Variants in JADE1 observed in about 807,000 individuals in gnomAD.
JADE1 encodes jade family PHD finger 1.
In JADE1, 14 loss-of-function variants were observed where a neutral mutation model predicts 81.8. The ratio of observed to expected loss-of-function variants is 0.17; its 90% CI spans 0.11 to 0.27. The LOEUF (loss-of-function observed/expected upper bound fraction) is 0.27, where lower values mean the gene tolerates loss of function less well. JADE1 is among the 10% of genes least tolerant of loss of function. The probability of loss-of-function intolerance (pLI) is 1.00; values close to 1 mark genes in which losing one functional copy is unlikely to be tolerated. For missense variants in JADE1, 690 were observed against 1,047.9 expected, an observed-to-expected ratio of 0.66 and a Z score of 4.71; for synonymous variants, 353 against 391.9, an observed-to-expected ratio of 0.90 and a Z score of 1.17.
chr4:128,819,985 G>C (rs138971263), intron 1 of JADE1, among the ~76,000 whole-genome samples: 2 of 152,298 alleles, frequency 1.3e-5, no homozygotes, highest in Admixed American at 1.3e-4. Flanking sequence ...TGTGCAAGTT[G>C]ATAAACATGC....
intron 1 of JADE1, among the ~76,000 whole-genome samples, chr4:128,823,516 A>G (rs895854236): frequency 2.0e-5 from 3 of 152,014 alleles, no homozygotes; most frequent in African/African-American, 7.3e-5. Flanking sequence ...CTTTTGGAGG[A>G]GGTGGCTATT....
intron 7 of JADE1, among the ~76,000 whole-genome samples, chr4:128,856,311 T>G (rs1056985863): frequency 3.3e-5 from 5 of 152,196 alleles, no homozygotes; most frequent in African/African-American, 1.2e-4. Flanking sequence ...GGAATGTAGA[T>G]TCATGGAAAT....
chr4:128,847,441 C>T (rs112940386), intron 4 of JADE1, among the ~76,000 whole-genome samples: 22 of 152,264 alleles, frequency 1.4e-4, no homozygotes, highest in African/African-American at 4.8e-4. Context: ...TGACAAATGC[C>T]CCTGTCTTAC....
At chr4:128,826,779 T>G (rs1166485695) in intron 1 of JADE1, among the ~76,000 whole-genome samples, 1 of 152,162 alleles carries the variant, frequency 6.6e-6, no homozygotes, top group Non-Finnish European at 1.5e-5. Flanking sequence ...GACACACACA[T>G]GAAACATTTA....
intron 1 of JADE1, among the ~76,000 whole-genome samples, chr4:128,823,282 A>C (rs761640507): frequency 1.3e-5 from 2 of 152,214 alleles, no homozygotes; most frequent in Non-Finnish European, 2.9e-5. Flanking sequence ...TTATTTATAC[A>C]TTGGCAAATG....
intron 1 of JADE1, among the ~76,000 whole-genome samples, chr4:128,818,668 T>C (rs1727269168): frequency 6.6e-6 from 1 of 152,202 alleles, no homozygotes. Context: ...AAGTCTGCAG[T>C]TGTGCCAGAG....
At chr4:128,849,527 C>T (rs138004814) in intron 5 of JADE1, among the ~76,000 whole-genome samples, 204 of 152,320 alleles carry the variant, frequency 1.3e-3, no homozygotes, top group Middle Eastern at 6.8e-3. Context: ...TGATGCCATT[C>T]GGATTCCTTC....
intron 1 of JADE1, among the ~76,000 whole-genome samples, chr4:128,822,756 A>G (rs1727703768): frequency 6.6e-6 from 1 of 152,144 alleles, no homozygotes; most frequent in Non-Finnish European, 1.5e-5. Context: ...ATTAAAGGTC[A>G]TAAAGAGGAG....
intron 1 of JADE1, among the ~76,000 whole-genome samples, chr4:128,816,966 C>G (rs1214122668): frequency 1.3e-5 from 2 of 149,484 alleles, no homozygotes; most frequent in Non-Finnish European, 3.0e-5. Flanking sequence ...GCAGTGGGTT[C>G]AAGTGAGTCA....
Position 128,833,215 on chromosome 4 carries a change from C to T in JADE1, c.52+1405C>T, listed in dbSNP as rs138907581. On this transcript the variant is annotated intron_variant, in intron 2 of 10. Transcript: ENST00000226319. The stretch of plus-strand genomic sequence containing the variant: ...GATGCCACCTTCTGAACTTCTGAGG[C>T]GCTTGTTGTTTCATAACCCTGCCTA... Among the ~76,000 whole-genome samples the T allele has an allele frequency of 5.7e-3, 862 of 152,162 alleles. 7 individuals carry two copies. The highest frequency in any genetic ancestry group is 9.2e-3 in the Non-Finnish European group (629 of 68,010).
At chr4:128,829,607 A>G (rs1021607630) in intron 1 of JADE1, among the ~76,000 whole-genome samples, 8 of 152,228 alleles carry the variant, frequency 5.3e-5, no homozygotes, top group African/African-American at 1.9e-4. Flanking sequence ...GACAAAAGAC[A>G]TTACAGGAGA....
At chr4:128,825,015 C>T (rs1727918950) in intron 1 of JADE1, among the ~76,000 whole-genome samples, 2 of 152,088 alleles carry the variant, frequency 1.3e-5, no homozygotes, top group Admixed American at 1.3e-4. Context: ...AATAAACATC[C>T]TCAAATTCTT....
At chr4:128,832,410 G>A (rs897844141) in intron 2 of JADE1, among the ~76,000 whole-genome samples, 1 of 152,232 alleles carries the variant, frequency 6.6e-6, no homozygotes, top group Non-Finnish European at 1.5e-5. Context: ...TGTGTATTGA[G>A]AAGCTAACAG....
At position 128,871,784 on chromosome 4, in the gene JADE1, C is replaced by T. The variant is rs377717772; in HGVS notation, c.2051C>T (p.Pro684Leu). The T allele has an allele frequency of 7.2e-5, 117 of 1,614,048 alleles. No individual in the cohort carries two copies. Among genetic ancestry groups the T allele is most frequent in the Non-Finnish European group, 9.6e-5 (113 of 1,180,034 alleles). Residue 684 changes from proline to leucine, a missense_variant, in exon 11 of 11, where the codon CCT (proline) becomes CTT (leucine). Pro to Leu is a moderately conservative substitution (Grantham distance 98, BLOSUM62 -3). Transcript: ENST00000226319. The surrounding 1 kb of genome is among the most constrained non-coding windows in gnomAD (Gnocchi z 4.1). ...AAATCTTTTAAACAGAGTCACAAGC[C>T]TCTCAGGTCCACAGATGTGTCCCAG... ...KDKSFKQSHK[P>L]LRSTDVSQRH...
At chr4:128,856,368 C>T (rs1048691149) in intron 7 of JADE1, among the ~76,000 whole-genome samples, 1 of 152,136 alleles carries the variant, frequency 6.6e-6, no homozygotes, top group African/African-American at 2.4e-5. Context: ...TAGTGGTGGT[C>T]ACCCAGCCAT....
chr4:128,853,747 G>T (rs1730563800), intron 6 of JADE1, among the ~76,000 whole-genome samples: 1 of 152,148 alleles, frequency 6.6e-6, no homozygotes, highest in Admixed American at 6.5e-5. Context: ...TGACTTCTTG[G>T]GAAGAAGAAG....
At position 128,857,882 on chromosome 4, in the gene JADE1, C is replaced by T. The variant is rs116330854; in HGVS notation, c.981+428C>T. Among the ~76,000 whole-genome samples, 530 of 152,260 alleles carry T rather than the reference C, an allele frequency of 3.5e-3. 3 individuals carry two copies. The highest frequency in any genetic ancestry group is 0.012 in the African/African-American group (496 of 41,552). On this transcript the variant is annotated intron_variant, in intron 8 of 10. Coordinates refer to ENST00000226319, the MANE Select transcript of JADE1 (RefSeq NM_199320.4). The stretch of plus-strand genomic sequence containing the variant: ...TGCAGACCCTGGCCCACCTCTGTGG[C>T]GGCCTCCTGAGATTGCAGGTTTCCA...
In JADE1 at chr4:128,846,518, T is replaced by G. The variant is rs760642234; in HGVS notation, c.282T>G (p.Pro94=). 1 of 1,614,112 alleles carries G rather than the reference T, an allele frequency of 6.2e-7. No homozygotes were observed. The highest frequency in any genetic ancestry group is 8.5e-7 in the Non-Finnish European group (1 of 1,180,016). The change falls in exon 4 of 11, where the codon CCT becomes CCG. Residue 94 remains proline (P), a synonymous_variant. Transcript: ENST00000226319. This position sits in a 1 kb window ranked among gnomAD's most constrained non-coding sequence, Gnocchi z 4.0. ...VQVPVSPGTI[P]QPVARVVSEE... Reference sequence around the variant, plus strand: ...TGCCTGTGAGCCCGGGGACCATCCCTCAGCCTGTGGCCAGGTAGAGATGCC... The same window carrying G: ...TGCCTGTGAGCCCGGGGACCATCCCGCAGCCTGTGGCCAGGTAGAGATGCC...
At chr4:128,857,686 C>G (rs1414840474) in intron 8 of JADE1, among the ~76,000 whole-genome samples, 5 of 152,172 alleles carry the variant, frequency 3.3e-5, no homozygotes, top group Non-Finnish European at 7.3e-5. Flanking sequence ...TTCAGAAGTT[C>G]CCCTGAGCTG....
Sources: gnomAD v4.1 joint callset for allele counts (sites outside exome capture counted in the v4.1 genomes callset) on GRCh38, gnomAD v4.1.1 for gene constraint, Gnocchi (gnomAD v3.1) non-coding constraint, MANE v1.5 for transcripts, NCBI Gene and HGNC (gene_info 2026-07-23, HGNC 2026-07-21) for gene names.